The following FREM2 variants were observed in gnomAD, a reference collection of about 807,000 sequenced individuals.
The protein encoded by FREM2 is FRAS1 related extracellular matrix 2, also known as FRAS1-related extracellular matrix protein 2.
In FREM2, 119 loss-of-function variants were observed where a neutral mutation model predicts 219.9. The ratio of observed to expected loss-of-function variants is 0.54; its 90% confidence interval spans 0.47 to 0.63. FREM2 has a LOEUF of 0.63. Among genes scored for constraint, FREM2 ranks in the 30% least tolerant of loss-of-function variants. The probability of loss-of-function intolerance (pLI) is 0.00; values close to 1 mark genes in which losing one functional copy is unlikely to be tolerated. For synonymous variants in FREM2, 1,562 were observed against 1,522.8 expected (o/e 1.03, Z -0.60); for missense variants, 4,030 against 3,993.6 (o/e 1.01, Z -0.25).
chr13:38,845,435 A>G (rs1877113546), intron 6 of FREM2, among the ~76,000 whole-genome samples: 1 of 152,142 alleles, frequency 6.6e-6, no homozygotes, highest in Non-Finnish European at 1.5e-5. Flanking sequence ...TTTTAGATTC[A>G]GTCCTTTTGA....
At chr13:38,802,380 G>C (rs138709264) in intron 6 of FREM2, among the ~76,000 whole-genome samples, 2 of 152,284 alleles carry the variant, frequency 1.3e-5, no homozygotes, top group East Asian at 3.9e-4. Flanking sequence ...TGGCCCAGCA[G>C]CAGCAGTGGC....
chr13:38,691,148 T>C lies in FREM2; in HGVS notation c.3804T>C (p.Asp1268=). The C allele has an allele frequency of 6.2e-7, 1 of 1,614,124 alleles. No individual in the cohort carries two copies. Among genetic ancestry groups the C allele is most frequent in the African/African-American group, 1.3e-5 (1 of 75,024 alleles). The change falls in exon 1 of 24, where the codon GAT becomes GAC. Residue 1268 remains aspartate (D), a synonymous_variant. Transcript: ENST00000280481. ...IESSSIIYEH[D]DSETQEDSFV... is the part of the protein sequence containing the mutation. ...GTTCCAGCATTATTTATGAGCATGA[T>C]GACTCCGAGACCCAGGAAGACAGTT...
rs144236455 is a variant in FREM2, at chr13:38,872,905, T to C, written c.8147T>C (p.Ile2716Thr). Reference sequence around the variant, plus strand: ...ACCGCCATCTTGTGGAATGATGGAATTGGCAGCCCCCCAGAGGCTGAACTT... The same window carrying C: ...ACCGCCATCTTGTGGAATGATGGAACTGGCAGCCCCCCAGAGGCTGAACTT... ...YDTAILWNDG[I>T]GSPPEAELQG... Residue 2716 changes from isoleucine (I) to threonine (T), a missense_variant, in exon 17 of 24, where the codon ATT becomes ACT. Ile to Thr is a moderately conservative substitution (Grantham distance 89). This residue lies in a region of FREM2 where 928 missense variants were observed against 1,042.9 expected (regional missense o/e 0.89). Transcript: ENST00000280481. 6.6e-5 allele frequency: 106 copies of C among 1,613,828 alleles called. 1 individual carries two copies. In the Middle Eastern group the frequency reaches 6.7e-4, roughly 10 times the overall value.
intron 16 of FREM2, among the ~76,000 whole-genome samples, chr13:38,869,458 T>C (rs981920541): frequency 2.6e-5 from 4 of 152,198 alleles, no homozygotes; most frequent in Non-Finnish European, 4.4e-5. Flanking sequence ...ACACCTACTC[T>C]GTGCCAGGGA....
At chr13:38,745,063 T>C (rs1363120332) in intron 2 of FREM2, among the ~76,000 whole-genome samples, 1 of 152,180 alleles carries the variant, frequency 6.6e-6, no homozygotes, top group Non-Finnish European at 1.5e-5. Context: ...ATTAAAATAT[T>C]AATTAGGAAG....
At chr13:38,858,486 G>T (rs1455649928) in intron 13 of FREM2, among the ~76,000 whole-genome samples, 1 of 152,132 alleles carries the variant, frequency 6.6e-6, no homozygotes, top group African/African-American at 2.4e-5. Context: ...ATAAGGGAAG[G>T]TCATTCTAGG....
In FREM2 at chr13:38,876,337, C is replaced by T; in HGVS notation, c.8499C>T (p.Asn2833=). Residue 2833 remains asparagine, a synonymous_variant, in exon 20 of 24, where the codon AAC becomes AAT. Transcript: ENST00000280481. ...HQEYRLPVTC[N]PREPVTFDLD... Reference sequence around the variant, plus strand: ...AATACCGCCTGCCAGTCACCTGCAACCCCAGAGAACCTGTCACCTTTGACC... The same window carrying T: ...AATACCGCCTGCCAGTCACCTGCAATCCCAGAGAACCTGTCACCTTTGACC... 1.2e-6 allele frequency: 2 copies of T among 1,613,942 alleles called. No homozygotes were observed. Among genetic ancestry groups the T allele is most frequent in the Non-Finnish European group, 1.7e-6 (2 of 1,179,896 alleles).
rs140885619 is a variant in FREM2 at position 38,777,419 on chromosome 13, G to A, written c.5642-5651G>A. On this transcript the variant is annotated intron_variant, in intron 4 of 23. Coordinates refer to ENST00000280481, the MANE Select transcript of FREM2 (RefSeq NM_207361.6). ...TAATGTGTAGTGGTTACGAGCCTGG[G>A]CGGGCTCTGACATGGAGTTTCTGGG... Among the ~76,000 whole-genome samples, 328 of 152,236 alleles carry A rather than the reference G, an allele frequency of 2.2e-3. 2 individuals carry two copies. Among genetic ancestry groups the A allele is most frequent in the African/African-American group, 7.6e-3 (314 of 41,532 alleles).
intron 2 of FREM2, among the ~76,000 whole-genome samples, chr13:38,752,136 G>GTAA (rs1420631246): frequency 6.6e-6 from 1 of 152,146 alleles, no homozygotes; most frequent in Non-Finnish European, 1.5e-5. Context: ...CATTGATGCT[G>GTAA]TAATACTCCA....
At position 38,726,927 on chromosome 13, in the gene FREM2, C is replaced by T. The variant is rs908125964; in HGVS notation, c.5263+29140C>T. On this transcript the variant is annotated intron_variant, in intron 2 of 23. Coordinates refer to ENST00000280481, the MANE Select transcript of FREM2 (RefSeq NM_207361.6). ...AGAGTTAAGTGGTAGTTCAGTTAAT[C>T]GGTAAAACTGCCAAGTTGCCAGGTA... Among the ~76,000 whole-genome samples the T allele has an allele frequency of 3.9e-5, 6 of 152,134 alleles. No homozygotes were observed. In the East Asian group the frequency reaches 7.7e-4, roughly 20 times the overall value.
intron 3 of FREM2, among the ~76,000 whole-genome samples, chr13:38,767,886 T>C (rs1259748977): frequency 1.3e-5 from 2 of 152,246 alleles, no homozygotes; most frequent in Non-Finnish European, 2.9e-5. Context: ...TTAGTTATTG[T>C]TCTGAGATCT....
rs773515555 is a variant in FREM2 at position 38,687,435 on chromosome 13, C to T, written c.91C>T (p.Leu31=). 84 of 1,594,958 alleles carry T rather than the reference C, an allele frequency of 5.3e-5. No homozygotes were observed. Among genetic ancestry groups the T allele is most frequent in the Non-Finnish European group, 3.2e-5 (37 of 1,171,456 alleles). ...QPGPPPPPRL[L]LLLLLLLSLV... ...AGGACCGCCACCGCCGCCCCGGCTG[C>T]TGCTGCTGCTGCTGCTTCTCCTGTC... The change falls in exon 1 of 24, where the codon CTG becomes TTG. Residue 31 remains leucine, a synonymous_variant. Coordinates refer to ENST00000280481, the MANE Select transcript of FREM2 (RefSeq NM_207361.6).
At position 38,856,061 on chromosome 13, in the gene FREM2, A is replaced by T; in HGVS notation, c.6926-65A>T. 5 of 1,185,158 alleles carry T rather than the reference A, an allele frequency of 4.2e-6. No homozygotes were observed. In the South Asian group the frequency reaches 4.3e-5, roughly 10 times the overall value. 73.4% of individuals were successfully genotyped at this position (1,185,158 alleles called of 1,614,324 possible). On this transcript the variant is annotated intron_variant, in intron 11 of 23. Transcript: ENST00000280481. ...AGGCCACAGTAAAAAAAAAAAAAAA[A>T]AAAAAATAGAAAACTTCTCATATTC...
chr13:38,857,242 A>G (rs1041579814), intron 12 of FREM2, among the ~76,000 whole-genome samples: 1 of 152,140 alleles, frequency 6.6e-6, no homozygotes, highest in African/African-American at 2.4e-5. Flanking sequence ...AAACTATGCT[A>G]TGTAGTCAGA....
At chr13:38,756,696 T>TTGTG (rs572009633) in intron 2 of FREM2, among the ~76,000 whole-genome samples, 1 of 151,126 alleles carries the variant, frequency 6.6e-6, no homozygotes, top group South Asian at 2.1e-4. Context: ...CCTGGCTAAT[T>TTGTG]TGTGTGTGTG....
intron 4 of FREM2, among the ~76,000 whole-genome samples, chr13:38,773,923 T>G (rs1163406214): frequency 6.6e-6 from 1 of 151,684 alleles, no homozygotes; most frequent in Non-Finnish European, 1.5e-5. Flanking sequence ...GAATTTACTT[T>G]CCCCAAGTCA....
At chr13:38,870,081 T>C (rs141379953) in intron 16 of FREM2, among the ~76,000 whole-genome samples, 24 of 152,326 alleles carry the variant, frequency 1.6e-4, no homozygotes, top group African/African-American at 5.8e-4. Context: ...TTTGGAAAAG[T>C]AAACAAATTT....
intron 2 of FREM2, among the ~76,000 whole-genome samples, chr13:38,746,569 A>G (rs1872493403): frequency 6.6e-6 from 1 of 152,174 alleles, no homozygotes; most frequent in South Asian, 2.1e-4. Flanking sequence ...TGAAGTACCC[A>G]TGATTAAAAT....
intron 2 of FREM2, among the ~76,000 whole-genome samples, chr13:38,738,565 CAAAAAAAAAAAAAAAA>C: frequency 2.1e-5 from 1 of 48,478 alleles, no homozygotes; most frequent in East Asian, 6.6e-4. Context: ...GACTCCATCT[CAAAAAAAAAAAAAAAA>C]AAAAAAAAAA....
Sources: gnomAD v4.1 joint callset for allele counts (sites outside exome capture counted in the v4.1 genomes callset) on GRCh38, gnomAD v4.1.1 for gene constraint, gnomAD v4.1.1 regional missense constraint, MANE v1.5 for transcripts, NCBI Gene and HGNC (gene_info 2026-07-23, HGNC 2026-07-21) for gene names.